Variants in LRMDA observed in about 807,000 individuals in gnomAD.
LRMDA encodes the protein leucine-rich melanocyte differentiation-associated protein.
Under a neutral mutation model 29.8 loss-of-function variants are expected in LRMDA, and 18 were observed. The ratio of observed to expected loss-of-function variants is 0.60; its 90% CI spans 0.42 to 0.90. The LOEUF (loss-of-function observed/expected upper bound fraction) is 0.90. Among genes scored for constraint, LRMDA ranks in the 40% least tolerant of loss-of-function variants. The pLI, the probability that LRMDA is intolerant of heterozygous loss-of-function variation, is 0.00. For missense variants in LRMDA, 273 were observed against 273.9 expected (o/e 1.00, Z 0.02); for synonymous variants, 125 against 109.4 (o/e 1.14, Z -0.89).
intron 3 of LRMDA, among the ~76,000 whole-genome samples, chr10:76,046,387 C>G (rs1848439033): frequency 6.6e-6 from 1 of 152,110 alleles, no homozygotes; most frequent in Admixed American, 6.5e-5. Flanking sequence ...CCCATCATGC[C>G]CCCCTCTGAC....
Position 75,768,131 on chromosome 10 carries a change from C to A in LRMDA, c.132-267877C>A, listed in dbSNP as rs371217489. 2.0e-5 allele frequency among the ~76,000 whole-genome samples: 3 copies of A among 152,318 alleles called. No homozygotes were observed. In the South Asian group the frequency reaches 6.2e-4, roughly 32 times the overall value. ...AATGAATTTTTGTTGTTTTAAGCCA[C>A]CAATTTTGTGCCCATTTGTTGTAAC... is the stretch of plus-strand genomic sequence containing the variant. On this transcript the variant is annotated intron_variant, in intron 2 of 6. Transcript: ENST00000611255.
At chr10:75,557,135 G>A (rs534633094) in intron 2 of LRMDA, among the ~76,000 whole-genome samples, 47 of 152,004 alleles carry the variant, frequency 3.1e-4, no homozygotes, top group South Asian at 1.0e-3. Context: ...ACAACATGGC[G>A]AAACCCTGTC....
At chr10:75,462,093 GATGAAAAGCGAAC>G (rs1277509040) in intron 2 of LRMDA, among the ~76,000 whole-genome samples, 1 of 152,224 alleles carries the variant, frequency 6.6e-6, no homozygotes, top group Non-Finnish European at 1.5e-5. Context: ...TTAGGAGCTT[GATGAAAAGCGAAC>G]AAAGAAGACA....
chr10:76,148,194 C>G (rs1224433206), intron 5 of LRMDA, among the ~76,000 whole-genome samples: 1 of 152,180 alleles, frequency 6.6e-6, no homozygotes, highest in East Asian at 1.9e-4. Flanking sequence ...CTGGGAGAAC[C>G]ACTACTCTCT....
chr10:75,860,488 A>AT (rs770547561), intron 2 of LRMDA, among the ~76,000 whole-genome samples: 7 of 151,704 alleles, frequency 4.6e-5, no homozygotes, highest in Non-Finnish European at 8.8e-5. Context: ...TGACTGGCTA[A>AT]TTTTTGTATT....
chr10:76,146,826 G>A lies in LRMDA; in HGVS notation c.516+88043G>A, dbSNP rs180693360. On this transcript the variant is annotated intron_variant, in intron 5 of 6. Transcript: ENST00000611255. Reference sequence around the variant, plus strand: ...CATGTTTTTGCAGTGGCTGGTACCGGTCGTTCCTTTCCATGTTTAGTGCTT... The same window carrying A: ...CATGTTTTTGCAGTGGCTGGTACCGATCGTTCCTTTCCATGTTTAGTGCTT... Among the ~76,000 whole-genome samples, 227 of 152,288 alleles carry A rather than the reference G, an allele frequency of 1.5e-3. 2 individuals are homozygous for A. The highest frequency in any genetic ancestry group is 5.2e-3 in the African/African-American group (217 of 41,552).
chr10:75,441,679 C>G lies in LRMDA; in HGVS notation c.131+3185C>G, dbSNP rs558704136. On this transcript the variant is annotated intron_variant, in intron 2 of 6. Coordinates refer to ENST00000611255, the MANE Select transcript of LRMDA (RefSeq NM_001305581.2). ...CCACTTACCATCTTTCCAGAGCTAT[C>G]CTCAGAAGCACAAAATTCTTCCTTT... Among the ~76,000 whole-genome samples the G allele has an allele frequency of 8.5e-5, 13 of 152,290 alleles. No individual in the cohort carries two copies. In the South Asian group the frequency reaches 2.7e-3, roughly 32 times the overall value.
At chr10:75,894,018 T>G (rs1162500596) in intron 2 of LRMDA, among the ~76,000 whole-genome samples, 1 of 152,172 alleles carries the variant, frequency 6.6e-6, no homozygotes, top group East Asian at 1.9e-4. Flanking sequence ...TAATACTTGA[T>G]TTTTTAATTT....
intron 5 of LRMDA, among the ~76,000 whole-genome samples, chr10:76,225,283 C>T (rs1002465375): frequency 5.3e-5 from 8 of 151,870 alleles, no homozygotes; most frequent in East Asian, 1.9e-4. Flanking sequence ...TGGTGGTGGG[C>T]GCCTGTAATC....
At chr10:75,599,918 G>A (rs1165011003) in intron 2 of LRMDA, among the ~76,000 whole-genome samples, 1 of 152,182 alleles carries the variant, frequency 6.6e-6, no homozygotes, top group Non-Finnish European at 1.5e-5. Flanking sequence ...GTCAGGACTT[G>A]CACTGCAAGC....
intron 6 of LRMDA, among the ~76,000 whole-genome samples, chr10:76,348,710 A>G (rs1841138878): frequency 6.6e-6 from 1 of 152,206 alleles, no homozygotes; most frequent in Admixed American, 6.5e-5. Context: ...CAGGAGGCTA[A>G]TCTATGATTA....
At chr10:75,469,464 C>T (rs1489066850) in intron 2 of LRMDA, among the ~76,000 whole-genome samples, 2 of 152,068 alleles carry the variant, frequency 1.3e-5, no homozygotes, top group Non-Finnish European at 2.9e-5. Flanking sequence ...GTTTCCACAT[C>T]TCCCTTTCCT....
chr10:75,564,529 C>T lies in LRMDA; in HGVS notation c.131+126035C>T, dbSNP rs1048047677. On this transcript the variant is annotated intron_variant, in intron 2 of 6. Transcript: ENST00000611255. ...ATCCTGCTTCAGCGCGCGCATGGTG[C>T]GCTGCACCCACTGTCCTGCACCCAC... Among the ~76,000 whole-genome samples, 12 of 152,220 alleles carry T rather than the reference C, an allele frequency of 7.9e-5. No homozygotes were observed. In the East Asian group the frequency reaches 1.2e-3, roughly 15 times the overall value.
chr10:76,200,602 T>C (rs11001680), intron 5 of LRMDA, among the ~76,000 whole-genome samples: 1 of 152,118 alleles, frequency 6.6e-6, no homozygotes, highest in East Asian at 1.9e-4. Context: ...TTTTCACCAG[T>C]AGCAATAGTC....
intron 5 of LRMDA, among the ~76,000 whole-genome samples, chr10:76,081,815 T>A (rs1220183241): frequency 6.6e-6 from 1 of 152,232 alleles, no homozygotes; most frequent in East Asian, 1.9e-4. Flanking sequence ...CATTATATGT[T>A]TATATACTTA....
At chr10:76,147,025 T>C (rs1053576636) in intron 5 of LRMDA, among the ~76,000 whole-genome samples, 2 of 152,270 alleles carry the variant, frequency 1.3e-5, no homozygotes, top group Non-Finnish European at 2.9e-5. Flanking sequence ...CACTCTCTTC[T>C]GGCTTGCAGA....
At chr10:75,691,407 C>G (rs182111266) in intron 2 of LRMDA, among the ~76,000 whole-genome samples, 1 of 151,826 alleles carries the variant, frequency 6.6e-6, no homozygotes, top group Non-Finnish European at 1.5e-5. Context: ...TCAACCCATT[C>G]CCTCTTTCCC....
chr10:76,063,672 A>C (rs1445928037), intron 5 of LRMDA, among the ~76,000 whole-genome samples: 1 of 152,164 alleles, frequency 6.6e-6, no homozygotes, highest in Non-Finnish European at 1.5e-5. Flanking sequence ...CATTTCCAAA[A>C]GTCTCTCTTA....
At chr10:75,660,223 TG>T (rs1425421481) in intron 2 of LRMDA, among the ~76,000 whole-genome samples, 3 of 152,246 alleles carry the variant, frequency 2.0e-5, no homozygotes, top group Admixed American at 2.0e-4. Flanking sequence ...TAACATCTTT[TG>T]ATGTCCCTTC....
Sources: allele counts gnomAD v4.1 joint callset (sites outside exome capture counted in the v4.1 genomes callset), GRCh38; gene constraint gnomAD v4.1.1; transcripts MANE v1.5; gene names NCBI Gene and HGNC (gene_info 2026-07-23, HGNC 2026-07-21).